Variants in LSAMP observed in about 807,000 individuals in gnomAD.
LSAMP encodes the protein limbic system-associated membrane protein.
A neutral mutation model predicts 38.6 loss-of-function variants in LSAMP; 7 were observed. That is an observed-to-expected ratio of 0.18 (90% CI 0.10 to 0.34). LSAMP has a LOEUF of 0.34. LSAMP is among the 10% of genes least tolerant of loss of function. The probability of loss-of-function intolerance (pLI) is 1.00; values close to 1 mark genes in which losing one functional copy is unlikely to be tolerated. For synonymous variants in LSAMP, 154 were observed against 166.8 expected (o/e 0.92, Z 0.59); for missense variants, 313 against 420.0 (o/e 0.75, Z 2.23).
intron 1 of LSAMP, among the ~76,000 whole-genome samples, chr3:116,109,332 G>A (rs1231383787): frequency 6.6e-6 from 1 of 152,012 alleles, no homozygotes; most frequent in Non-Finnish European, 1.5e-5. Context: ...AGCAGAGGCT[G>A]AGGAAGAATT....
Position 115,852,537 on chromosome 3 carries a change from C to T in LSAMP, c.595G>A (p.Ala199Thr). 1 of 1,614,086 alleles carries T rather than the reference C, an allele frequency of 6.2e-7. No homozygotes were observed. The highest frequency in any genetic ancestry group is 8.5e-7 in the Non-Finnish European group (1 of 1,179,974). Residue 199 changes from alanine to threonine, a missense_variant, in exon 4 of 7, where the codon GCT becomes ACT. Ala to Thr is a moderately conservative substitution (Grantham distance 58). Coordinates refer to ENST00000490035, the MANE Select transcript of LSAMP (RefSeq NM_002338.5). ...REQSGKYECK[A>T]ANEVSSADVK... is the part of the protein sequence containing the mutation. ...TCCGCCGAGGAGACCTCGTTGGCAG[C>T]TTTGCACTCATATTTGCCTGACTGC...
intron 1 of LSAMP, among the ~76,000 whole-genome samples, chr3:116,133,808 A>G (rs1709187057): frequency 1.3e-5 from 2 of 152,210 alleles, no homozygotes; most frequent in Non-Finnish European, 2.9e-5. Flanking sequence ...ATAAATCCAG[A>G]GTATAGTATA....
At chr3:116,343,818 T>C (rs1461262675) in intron 1 of LSAMP, among the ~76,000 whole-genome samples, 1 of 152,078 alleles carries the variant, frequency 6.6e-6, no homozygotes, top group Non-Finnish European at 1.5e-5. Flanking sequence ...CTGAACAGTC[T>C]AGCTTCATTT....
At chr3:115,968,052 T>C (rs771959003) in intron 3 of LSAMP, among the ~76,000 whole-genome samples, 1 of 152,044 alleles carries the variant, frequency 6.6e-6, no homozygotes, top group Non-Finnish European at 1.5e-5. Flanking sequence ...AGTCAACTTG[T>C]GGTGAATGCT....
chr3:115,854,850 AG>A (rs1192904919), intron 3 of LSAMP, among the ~76,000 whole-genome samples: 5 of 152,256 alleles, frequency 3.3e-5, no homozygotes, highest in African/African-American at 1.2e-4. Context: ...AGGCAGAAAT[AG>A]GTATAAGCTC....
intron 1 of LSAMP, among the ~76,000 whole-genome samples, chr3:116,297,612 CA>C (rs2047353474): frequency 6.6e-6 from 1 of 152,122 alleles, no homozygotes. Flanking sequence ...TCCTACATTT[CA>C]ATCCATTTAC....
intron 1 of LSAMP, among the ~76,000 whole-genome samples, chr3:116,237,547 A>G (rs1359684160): frequency 6.6e-6 from 1 of 152,212 alleles, no homozygotes; most frequent in Admixed American, 6.5e-5. Context: ...TGCTTACACA[A>G]TAATACAGAG....
At chr3:116,180,403 A>T (rs1307283636) in intron 1 of LSAMP, among the ~76,000 whole-genome samples, 2 of 152,066 alleles carry the variant, frequency 1.3e-5, no homozygotes, top group African/African-American at 2.4e-5. Context: ...TTTTTCTGTT[A>T]AAAGCTAGAG....
chr3:116,239,214 A>T (rs1423006485), intron 1 of LSAMP, among the ~76,000 whole-genome samples: 1 of 152,158 alleles, frequency 6.6e-6, no homozygotes, highest in Non-Finnish European at 1.5e-5. Context: ...AGTAAAGGGG[A>T]TGACTTGGTG....
chr3:115,852,723 T>TCA, intron 3 of LSAMP, 106 bp from the exon 4 acceptor site: 1 of 1,110,476 alleles, frequency 9.0e-7, no homozygotes, highest in Non-Finnish European at 1.2e-6. Flanking sequence ...TTTTCAATGA[T>TCA]TTGAAAATGT....
chr3:115,846,487 T>C (rs1055810434), intron 4 of LSAMP, among the ~76,000 whole-genome samples: 7 of 152,218 alleles, frequency 4.6e-5, no homozygotes, highest in African/African-American at 1.7e-4. Flanking sequence ...TGTATAGTCA[T>C]TTACTGCATG....
intron 4 of LSAMP, among the ~76,000 whole-genome samples, chr3:115,851,217 G>A (rs752798354): frequency 5.3e-5 from 8 of 152,054 alleles, no homozygotes; most frequent in African/African-American, 1.7e-4. Flanking sequence ...CAGGTGATCC[G>A]CCTGTCTCAG....
At chr3:116,359,045 A>G (rs2048265751) in intron 1 of LSAMP, among the ~76,000 whole-genome samples, 1 of 152,194 alleles carries the variant, frequency 6.6e-6, no homozygotes, top group African/African-American at 2.4e-5. Flanking sequence ...CCTAGTTTCT[A>G]CGAAAGAAAA....
At chr3:116,276,938 G>A (rs2047063270) in intron 1 of LSAMP, among the ~76,000 whole-genome samples, 1 of 152,248 alleles carries the variant, frequency 6.6e-6, no homozygotes, top group South Asian at 2.1e-4. Flanking sequence ...GTGCACTCAC[G>A]TTTCTCAGGT....
rs1933560508 is a variant in LSAMP, at chr3:115,803,363, T to C, written c.*6954A>G. 1 of 152,224 alleles carries C rather than the reference T, an allele frequency of 6.6e-6. No homozygotes were observed. 9.4% of individuals were successfully genotyped at this position (152,224 alleles called of 1,614,324 possible). On this transcript the variant is annotated 3_prime_UTR_variant, in exon 7 of 7. Transcript: ENST00000490035. ...GGAAACTCTGATGCCTTCTGTTCTT[T>C]CAGACAATAAAATCAAAGGACAACT...
chr3:116,353,140 A>C (rs982578785), intron 1 of LSAMP, among the ~76,000 whole-genome samples: 4 of 152,106 alleles, frequency 2.6e-5, no homozygotes, highest in Non-Finnish European at 4.4e-5. Flanking sequence ...TTAAACAAAG[A>C]CATTAGGTTC....
At chr3:116,409,922 C>T (rs72951938) in intron 1 of LSAMP, among the ~76,000 whole-genome samples, 6 of 151,978 alleles carry the variant, frequency 3.9e-5, no homozygotes, top group Non-Finnish European at 5.9e-5. Flanking sequence ...TCTCCCACTA[C>T]GTGTCTGCTC....
intron 6 of LSAMP, among the ~76,000 whole-genome samples, chr3:115,831,868 T>A (rs1264395648): frequency 6.6e-6 from 1 of 152,150 alleles, no homozygotes; most frequent in African/African-American, 2.4e-5. Flanking sequence ...GGTTTTATAT[T>A]TTGTTTTGTT....
intron 3 of LSAMP, among the ~76,000 whole-genome samples, chr3:115,975,052 G>C (rs966373892): frequency 3.9e-5 from 6 of 152,156 alleles, no homozygotes; most frequent in Non-Finnish European, 4.4e-5. Context: ...ATCTTGGAGT[G>C]TTCCTGAGCC....
Sources: allele counts gnomAD v4.1 joint callset (sites outside exome capture counted in the v4.1 genomes callset), GRCh38; gene constraint gnomAD v4.1.1; transcripts MANE v1.5; gene names NCBI Gene and HGNC (gene_info 2026-07-23, HGNC 2026-07-21).